The following CENPW variants were observed in gnomAD, a reference collection of about 807,000 sequenced individuals.
CENPW encodes the protein cancer-up-regulated gene 2 protein.
Under a neutral mutation model 11.1 loss-of-function variants are expected in CENPW, and 3 were observed. That is an observed-to-expected ratio of 0.27 (90% CI 0.12 to 0.70). The LOEUF (loss-of-function observed/expected upper bound fraction) is 0.70. Among genes scored for constraint, CENPW ranks in the 30% least tolerant of loss-of-function variants. CENPW has a pLI of 0.77. For missense variants in CENPW, 100 were observed against 105.6 expected (o/e 0.95, Z 0.23); for synonymous variants, 38 against 42.0 (o/e 0.91, Z 0.37).
the CENPW span, among the ~76,000 whole-genome samples, chr6:126,406,186 G>A: frequency 8.2e-3 from 1,245 of 152,126 alleles, 16 homozygotes; most frequent in African/African-American, 0.028. Flanking sequence ...TTTCTCAAAT[G>A]TTTTTTGTGT....
the CENPW span, among the ~76,000 whole-genome samples, chr6:126,460,620 GA>G: frequency 6.6e-6 from 1 of 151,658 alleles, no homozygotes; most frequent in African/African-American, 2.4e-5. Context: ...TAGTGTTAAC[GA>G]AAACCAGAGC....
the CENPW span, among the ~76,000 whole-genome samples, chr6:126,418,011 T>G: frequency 6.6e-6 from 1 of 152,228 alleles, no homozygotes; most frequent in African/African-American, 2.4e-5. Context: ...TTCAACATTG[T>G]TAGCTCTCAG....
chr6:126,412,957 T>C, the CENPW span, among the ~76,000 whole-genome samples: 4 of 152,144 alleles, frequency 2.6e-5, no homozygotes, highest in African/African-American at 9.7e-5. Flanking sequence ...GTTCTTCCTA[T>C]GATTTAGTAG....
chr6:126,379,425 G>A, the CENPW span, among the ~76,000 whole-genome samples: 1 of 152,184 alleles, frequency 6.6e-6, no homozygotes, highest in Admixed American at 6.6e-5. Flanking sequence ...ATACTTGAGT[G>A]TGAAGCCTAT....
At chr6:126,466,621 C>T in the CENPW span, among the ~76,000 whole-genome samples, 6 of 152,006 alleles carry the variant, frequency 3.9e-5, no homozygotes, top group Admixed American at 1.3e-4. Context: ...TGTGCATGTA[C>T]GTGCACATGT....
chr6:126,352,698 A>G (rs1780504970), downstream of CENPW, among the ~76,000 whole-genome samples: 4 of 152,146 alleles, frequency 2.6e-5, no homozygotes, highest in Admixed American at 2.0e-4. Context: ...TAATCAGTGT[A>G]TATTTGGGTT....
At chr6:126,365,728 ATAATC>A in the CENPW span, among the ~76,000 whole-genome samples, 3 of 152,380 alleles carry the variant, frequency 2.0e-5, no homozygotes, top group East Asian at 3.9e-4. Flanking sequence ...GATGTAAAGA[ATAATC>A]TAAAGCTACT....
the CENPW span, among the ~76,000 whole-genome samples, chr6:126,382,141 G>T: frequency 5.2e-4 from 79 of 152,180 alleles, no homozygotes; most frequent in African/African-American, 1.8e-3. Context: ...AATCCCAGCT[G>T]CAGGAGAATC....
chr6:126,373,796 T>A, the CENPW span, among the ~76,000 whole-genome samples: 3 of 152,188 alleles, frequency 2.0e-5, no homozygotes, highest in African/African-American at 7.2e-5. Context: ...TACCCACTTT[T>A]ACCACATTCT....
chr6:126,454,045 A>AGC, the CENPW span, among the ~76,000 whole-genome samples: 1 of 151,606 alleles, frequency 6.6e-6, no homozygotes, highest in East Asian at 1.9e-4. Context: ...TATATGCATG[A>AGC]GCACAGGAGC....
chr6:126,429,481 C>T, the CENPW span, among the ~76,000 whole-genome samples: 1 of 151,978 alleles, frequency 6.6e-6, no homozygotes, highest in Non-Finnish European at 1.5e-5. Flanking sequence ...GCACCTCCCC[C>T]CAACTCTCTC....
the CENPW span, among the ~76,000 whole-genome samples, chr6:126,412,994 T>C: frequency 6.6e-6 from 1 of 152,154 alleles, no homozygotes; most frequent in African/African-American, 2.4e-5. Context: ...ATTTCTTCAC[T>C]TGCTGTATAT....
chr6:126,426,361 C>A, the CENPW span, among the ~76,000 whole-genome samples: 1 of 151,980 alleles, frequency 6.6e-6, no homozygotes, highest in South Asian at 2.1e-4. Context: ...TGATTTCAGG[C>A]CTTTAAAAGC....
the CENPW span, among the ~76,000 whole-genome samples, chr6:126,382,648 C>T: frequency 1.3e-5 from 2 of 152,064 alleles, no homozygotes; most frequent in East Asian, 1.9e-4. Context: ...ATAATGCAAT[C>T]ACAAGTATTA....
At chr6:126,402,839 CATT>C in the CENPW span, among the ~76,000 whole-genome samples, 1 of 152,000 alleles carries the variant, frequency 6.6e-6, no homozygotes, top group East Asian at 1.9e-4. Context: ...AGCAGGCTCA[CATT>C]ATTTTATTGT....
chr6:126,354,378 T>C, the CENPW span, among the ~76,000 whole-genome samples: 2 of 152,160 alleles, frequency 1.3e-5, no homozygotes, highest in Non-Finnish European at 2.9e-5. Flanking sequence ...ACACTAATCT[T>C]TGACATGTGA....
At chr6:126,361,226 G>C in the CENPW span, among the ~76,000 whole-genome samples, 1 of 152,202 alleles carries the variant, frequency 6.6e-6, no homozygotes, top group African/African-American at 2.4e-5. Flanking sequence ...AGTAGATGGC[G>C]CTTAAGACGC....
the CENPW span, among the ~76,000 whole-genome samples, chr6:126,387,711 T>C: frequency 6.6e-6 from 1 of 151,970 alleles, no homozygotes; most frequent in East Asian, 1.9e-4. Context: ...ATAAACCGCT[T>C]TGAGGTTACC....
chr6:126,396,334 C>T, the CENPW span, among the ~76,000 whole-genome samples: 3 of 152,148 alleles, frequency 2.0e-5, no homozygotes, highest in Non-Finnish European at 4.4e-5. Context: ...CCACCACCTC[C>T]TCAGGCCCAC....
Sources: allele counts gnomAD v4.1 joint callset (sites outside exome capture counted in the v4.1 genomes callset), GRCh38; gene constraint gnomAD v4.1.1; transcripts MANE v1.5; gene names NCBI Gene and HGNC (gene_info 2026-07-23, HGNC 2026-07-21).